PSMA1: variants seen among roughly 807,000 people sequenced by gnomAD.
The protein encoded by PSMA1 is proteasome 20S subunit alpha 1.
In PSMA1, 3 loss-of-function variants were observed where a neutral mutation model predicts 38.4. That is an observed-to-expected ratio of 0.08 (90% CI 0.04 to 0.20). PSMA1 has a LOEUF of 0.20. Among genes scored for constraint, PSMA1 ranks in the 10% least tolerant of loss-of-function variants. The pLI is 1.00. For synonymous variants in PSMA1, 101 were observed against 107.1 expected (o/e 0.94, Z 0.35); for missense variants, 227 against 325.3 (o/e 0.70, Z 2.32).
intron 2 of PSMA1, among the ~76,000 whole-genome samples, chr11:14,606,268 T>C (rs764643134): frequency 2.0e-5 from 3 of 152,164 alleles, no homozygotes; most frequent in Non-Finnish European, 2.9e-5. Flanking sequence ...GCTGTTTTGG[T>C]TACTGTAGCT....
chr11:14,527,925 A>G (rs1351619947), intron 2 of PSMA1, among the ~76,000 whole-genome samples: 1 of 151,966 alleles, frequency 6.6e-6, no homozygotes, highest in Admixed American at 6.6e-5. Flanking sequence ...TTACTTTTAT[A>G]CTTACTCTTA....
At chr11:14,538,305 C>G (rs1438441403) in intron 2 of PSMA1, among the ~76,000 whole-genome samples, 6 of 152,126 alleles carry the variant, frequency 3.9e-5, no homozygotes, top group Non-Finnish European at 8.8e-5. Context: ...TATTGAATCC[C>G]TGTTTAAAGA....
intron 1 of PSMA1, among the ~76,000 whole-genome samples, chr11:14,621,126 T>C (rs1852838712): frequency 1.3e-5 from 2 of 152,214 alleles, no homozygotes; most frequent in South Asian, 2.1e-4. Flanking sequence ...ATGGAAATAG[T>C]CATTTAGGTA....
chr11:14,600,433 C>T (rs866928268), intron 2 of PSMA1, among the ~76,000 whole-genome samples: 8 of 152,220 alleles, frequency 5.3e-5, no homozygotes, highest in Non-Finnish European at 1.2e-4. Context: ...TTTTTACCTA[C>T]TCAAGCCTCA....
intron 2 of PSMA1, among the ~76,000 whole-genome samples, chr11:14,528,425 C>T (rs1049923885): frequency 3.3e-5 from 5 of 152,016 alleles, no homozygotes; most frequent in African/African-American, 1.2e-4. Context: ...CTTCTAACAA[C>T]CCCACAATAT....
At chr11:14,604,202 G>A (rs988355430) in intron 2 of PSMA1, among the ~76,000 whole-genome samples, 9 of 152,162 alleles carry the variant, frequency 5.9e-5, no homozygotes, top group Non-Finnish European at 1.2e-4. Context: ...TGGGATTACA[G>A]GCATATGCCA....
intron 7 of PSMA1, among the ~76,000 whole-genome samples, chr11:14,511,219 A>C (rs1325877053): frequency 1.3e-5 from 2 of 152,304 alleles, no homozygotes; most frequent in East Asian, 3.9e-4. Flanking sequence ...TCCCGACTAT[A>C]AATTATACAA....
At chr11:14,576,130 G>T (rs567134370) in intron 2 of PSMA1, among the ~76,000 whole-genome samples, 1 of 152,096 alleles carries the variant, frequency 6.6e-6, no homozygotes, top group South Asian at 2.1e-4. Context: ...TTGTATATTT[G>T]TTTTTTTCTT....
chr11:14,606,050 C>A (rs1236544526), intron 2 of PSMA1, among the ~76,000 whole-genome samples: 1 of 152,162 alleles, frequency 6.6e-6, no homozygotes. Flanking sequence ...GAGTTAATTT[C>A]TGTATATGGT....
intron 2 of PSMA1, among the ~76,000 whole-genome samples, chr11:14,604,822 T>A (rs959668819): frequency 7.9e-4 from 121 of 152,324 alleles, no homozygotes; most frequent in African/African-American, 2.7e-3. Flanking sequence ...GTAATTGGTT[T>A]TCTCTTCTTG....
intron 1 of PSMA1, among the ~76,000 whole-genome samples, chr11:14,628,057 C>G (rs1244644389): frequency 6.6e-6 from 1 of 152,204 alleles, no homozygotes; most frequent in African/African-American, 2.4e-5. Context: ...GTCAGATCAG[C>G]AGAGGCATTA....
intron 2 of PSMA1, among the ~76,000 whole-genome samples, chr11:14,568,460 T>C (rs1271762665): frequency 1.3e-5 from 2 of 152,206 alleles, no homozygotes; most frequent in Admixed American, 6.5e-5. Context: ...CCCTCATTCA[T>C]CCCTTAAATA....
chr11:14,613,378 A>G (rs1273692699), intron 1 of PSMA1, among the ~76,000 whole-genome samples: 2 of 150,048 alleles, frequency 1.3e-5, no homozygotes, highest in Admixed American at 6.6e-5. Context: ...CAGATTCCCA[A>G]GTAGCTGGGA....
chr11:14,603,646 C>T (rs541350974), intron 2 of PSMA1, among the ~76,000 whole-genome samples: 1 of 152,294 alleles, frequency 6.6e-6, no homozygotes, highest in East Asian at 1.9e-4. Flanking sequence ...GCTAATTATT[C>T]AAGTAAGACA....
At chr11:14,541,095 A>G (rs1851769496) in intron 2 of PSMA1, among the ~76,000 whole-genome samples, 1 of 152,224 alleles carries the variant, frequency 6.6e-6, no homozygotes, top group African/African-American at 2.4e-5. Flanking sequence ...TAATTTTTAA[A>G]AAAAGAAAAA....
At chr11:14,604,328 T>C (rs1044683817) in intron 2 of PSMA1, among the ~76,000 whole-genome samples, 3 of 152,086 alleles carry the variant, frequency 2.0e-5, no homozygotes, top group African/African-American at 7.2e-5. Flanking sequence ...TCCCAAAGTG[T>C]TGGGATTACA....
At chr11:14,515,990 T>C (rs1851419626) in intron 4 of PSMA1, among the ~76,000 whole-genome samples, 1 of 151,048 alleles carries the variant, frequency 6.6e-6, no homozygotes. Flanking sequence ...GGCAGGTGGA[T>C]CACGAGGTCA....
intron 2 of PSMA1, among the ~76,000 whole-genome samples, chr11:14,594,760 G>A (rs375261779): frequency 2.0e-4 from 30 of 151,846 alleles, no homozygotes; most frequent in South Asian, 6.2e-4. Flanking sequence ...AATGCATAAC[G>A]TTTCTTTTTT....
At chr11:14,588,992 T>A (rs954638640) in intron 2 of PSMA1, among the ~76,000 whole-genome samples, 2 of 152,204 alleles carry the variant, frequency 1.3e-5, no homozygotes, top group Non-Finnish European at 2.9e-5. Flanking sequence ...CCCTTCCTTT[T>A]ACTTACCCTC....
Sources: allele counts gnomAD v4.1 joint callset (sites outside exome capture counted in the v4.1 genomes callset), GRCh38; gene constraint gnomAD v4.1.1; transcripts MANE v1.5; gene names NCBI Gene and HGNC (gene_info 2026-07-23, HGNC 2026-07-21).